MIER1: variants seen among roughly 807,000 people sequenced by gnomAD.
The protein encoded by MIER1 is MIER1 transcriptional regulator, also known as mesoderm induction early response protein 1.
In MIER1, 40 loss-of-function variants were observed where a neutral mutation model predicts 75.7. The ratio of observed to expected loss-of-function variants is 0.53; its 90% confidence interval spans 0.41 to 0.69. The LOEUF (loss-of-function observed/expected upper bound fraction) is 0.69, where lower values mean the gene tolerates loss of function less well. Ranked by LOEUF, MIER1 falls within the 30% of genes least tolerant of loss-of-function variation. The probability of loss-of-function intolerance (pLI) is 0.00; values close to 1 mark genes in which losing one functional copy is unlikely to be tolerated. For synonymous variants in MIER1, 213 were observed against 223.4 expected (o/e 0.95, Z 0.42); for missense variants, 574 against 680.2 (o/e 0.84, Z 1.74).
At chr1:66,957,587 G>GTTTTTTTT (rs770503779) in intron 4 of MIER1, among the ~76,000 whole-genome samples, 41 of 99,210 alleles carry the variant, frequency 4.1e-4, no homozygotes, top group East Asian at 5.9e-4. Context: ...GTTTGTTTGT[G>GTTTTTTTT]TTTTTTTTTT....
In MIER1 at chr1:66,963,155, A is replaced by G. The variant is rs1348381383; in HGVS notation, c.767A>G (p.Glu256Gly). The change falls in exon 8 of 14, where the codon GAA (glutamate) becomes GGA (glycine). Residue 256 changes from glutamate (E) to glycine (G), a missense_variant. Glu to Gly is a moderately conservative substitution (Grantham distance 98). Coordinates refer to ENST00000401041, the MANE Select transcript of MIER1 (RefSeq NM_001077700.3). Reference protein sequence around the residue: ...PVGICRYKENEKVYENDDQLL... With the variant: ...PVGICRYKENGKVYENDDQLL... The stretch of plus-strand genomic sequence containing the variant: ...GGCATTTGTAGATACAAAGAAAATG[A>G]AAAAGGTGGGTTATTAGTAAAGTTA... The G allele has an allele frequency of 1.9e-6, 3 of 1,603,574 alleles. No homozygotes were observed. Among genetic ancestry groups the G allele is most frequent in the African/African-American group, 2.7e-5 (2 of 74,720 alleles).
chr1:66,966,948 T>G (rs1662538679), intron 8 of MIER1, among the ~76,000 whole-genome samples: 1 of 152,218 alleles, frequency 6.6e-6, no homozygotes, highest in Admixed American at 6.5e-5. Flanking sequence ...AAATATTTTC[T>G]CCCATTCTGT....
chr1:66,965,442 GTTT>G (rs1028309212), intron 8 of MIER1, among the ~76,000 whole-genome samples: 34 of 151,532 alleles, frequency 2.2e-4, no homozygotes, highest in African/African-American at 8.0e-4. Flanking sequence ...AGTATACTTT[GTTT>G]TTTATTTTAA....
intron 4 of MIER1, chr1:66,948,259 A>G (rs1391658165): frequency 1.1e-6 from 1 of 921,116 alleles, no homozygotes; most frequent in Admixed American, 6.2e-5. Flanking sequence ...CCTGTACTCC[A>G]TGATAAAAAG....
chr1:66,941,956 G>A (rs975663498), intron 3 of MIER1, among the ~76,000 whole-genome samples: 3 of 129,876 alleles, frequency 2.3e-5, no homozygotes, highest in Non-Finnish European at 3.1e-5. Context: ...GCTATAGAGC[G>A]AGACTCCTTC....
At chr1:66,972,230 C>G (rs56152300) in intron 10 of MIER1, among the ~76,000 whole-genome samples, 2 of 73,390 alleles carry the variant, frequency 2.7e-5, no homozygotes, top group Non-Finnish European at 5.9e-5. Context: ...TATATATATA[C>G]ACTACATATA....
intron 4 of MIER1, among the ~76,000 whole-genome samples, chr1:66,955,839 G>A (rs990881420): frequency 6.6e-6 from 1 of 152,104 alleles, no homozygotes; most frequent in Non-Finnish European, 1.5e-5. Context: ...ACTTGCTTCT[G>A]ATTTTGGGGT....
intron 4 of MIER1, among the ~76,000 whole-genome samples, chr1:66,951,023 A>C (rs1364936318): frequency 6.6e-6 from 1 of 152,188 alleles, no homozygotes; most frequent in African/African-American, 2.4e-5. Flanking sequence ...TTTCTTAATG[A>C]CTAACCTCCT....
At chr1:66,947,058 G>T (rs996292575) in intron 4 of MIER1, 10 of 947,552 alleles carry the variant, frequency 1.1e-5, no homozygotes, top group African/African-American at 3.6e-5. Flanking sequence ...AGTTGCATCA[G>T]AATCAACCCT....
chr1:66,956,826 TC>T (rs1269423178), intron 4 of MIER1, among the ~76,000 whole-genome samples: 1 of 152,256 alleles, frequency 6.6e-6, no homozygotes, highest in Non-Finnish European at 1.5e-5. Flanking sequence ...TCCTAGTTCT[TC>T]CTAAGAAAAT....
chr1:66,957,223 A>G (rs1243380318), intron 4 of MIER1, among the ~76,000 whole-genome samples: 1 of 152,186 alleles, frequency 6.6e-6, no homozygotes, highest in Non-Finnish European at 1.5e-5. Context: ...TTGTATAGAA[A>G]GCTGATTTCA....
chr1:66,953,448 A>G (rs553680197), intron 4 of MIER1, among the ~76,000 whole-genome samples: 1 of 152,270 alleles, frequency 6.6e-6, no homozygotes, highest in South Asian at 2.1e-4. Flanking sequence ...AGATTAAATA[A>G]GAGACTTTTT....
At chr1:66,953,497 A>AT (rs778103439) in intron 4 of MIER1, among the ~76,000 whole-genome samples, 2 of 149,474 alleles carry the variant, frequency 1.3e-5, no homozygotes, top group African/African-American at 2.5e-5. Context: ...GGTGGTGATG[A>AT]TTTTTTCTTT....
chr1:66,970,541 C>T (rs1663390805), intron 8 of MIER1, among the ~76,000 whole-genome samples: 1 of 152,126 alleles, frequency 6.6e-6, no homozygotes, highest in Non-Finnish European at 1.5e-5. Flanking sequence ...AGATGGTATT[C>T]AACCAAGAGA....
Position 66,928,430 on chromosome 1 carries a change from T to C in MIER1, c.168+2188T>C, listed in dbSNP as rs535531787. Among the ~76,000 whole-genome samples the C allele has an allele frequency of 3.9e-5, 6 of 152,292 alleles. No individual in the cohort carries two copies. The South Asian group carries it at 1.0e-3, about 26-fold the overall frequency. Reference sequence around the variant, plus strand: ...TTCTGTACCTTGTATTGTAACACTTTTAATTTTCCTTTGGTAGCCAAATTT... The same window carrying C: ...TTCTGTACCTTGTATTGTAACACTTCTAATTTTCCTTTGGTAGCCAAATTT... On this transcript the variant is annotated intron_variant, in intron 2 of 13. Transcript: ENST00000401041.
chr1:66,925,146 T>A lies in MIER1; in HGVS notation c.67+51T>A, dbSNP rs1651188032. On this transcript the variant is annotated intron_variant, in intron 1 of 13. Transcript: ENST00000401041. ...TCTCCCCTTCTATTCCAGTTTGGGA[T>A]GAGGGGCTCCTGAGGTGTCCTCAGT... 6 of 1,538,070 alleles carry A rather than the reference T, an allele frequency of 3.9e-6. No individual in the cohort carries two copies. The East Asian group carries it at 1.2e-4, about 32-fold the overall frequency.
intron 8 of MIER1, among the ~76,000 whole-genome samples, chr1:66,965,009 G>A (rs1426877506): frequency 2.6e-5 from 4 of 152,076 alleles, no homozygotes; most frequent in African/African-American, 4.8e-5. Context: ...AGGCCAGTAC[G>A]GTTTTTGTGA....
chr1:66,948,009 AT>A (rs1027612428), intron 4 of MIER1: 89 of 971,212 alleles, frequency 9.2e-5, no homozygotes, highest in East Asian at 1.2e-4. Flanking sequence ...TTTTATTTTT[AT>A]TTTTTTTTAA....
At chr1:66,942,844 G>A (rs558256755) in intron 3 of MIER1, among the ~76,000 whole-genome samples, 18 of 152,132 alleles carry the variant, frequency 1.2e-4, no homozygotes, top group Non-Finnish European at 2.4e-4. Flanking sequence ...GAGTGAAATG[G>A]CAAGTCTTCA....
Sources: gnomAD v4.1 joint callset for allele counts (sites outside exome capture counted in the v4.1 genomes callset) on GRCh38, gnomAD v4.1.1 for gene constraint, MANE v1.5 for transcripts, NCBI Gene and HGNC (gene_info 2026-07-23, HGNC 2026-07-21) for gene names.